Variants in CABLES1 observed in about 807,000 individuals in gnomAD.
The protein encoded by CABLES1 is Cdk5 and Abl enzyme substrate 1.
A neutral mutation model predicts 57.8 loss-of-function variants in CABLES1; 36 were observed. The ratio of observed to expected loss-of-function variants is 0.62; its 90% CI spans 0.48 to 0.82. The LOEUF (loss-of-function observed/expected upper bound fraction) is 0.82, where lower values mean the gene tolerates loss of function less well. Among genes scored for constraint, CABLES1 ranks in the 40% least tolerant of loss-of-function variants. CABLES1 has a pLI of 0.00. For missense variants in CABLES1, 767 were observed against 836.6 expected, an observed-to-expected ratio of 0.92 and a Z score of 1.03; for synonymous variants, 374 against 363.0, an observed-to-expected ratio of 1.03 and a Z score of -0.35.
At chr18:23,236,400 T>C (rs1043680105) in intron 6 of CABLES1, among the ~76,000 whole-genome samples, 1 of 148,020 alleles carries the variant, frequency 6.8e-6, no homozygotes, top group African/African-American at 2.5e-5. Flanking sequence ...ATTCGGACTT[T>C]AAAAAAAAAA....
At chr18:23,150,595 G>T (rs2046922398) in intron 1 of CABLES1, among the ~76,000 whole-genome samples, 1 of 152,172 alleles carries the variant, frequency 6.6e-6, no homozygotes, top group South Asian at 2.1e-4. Context: ...ATATGGGGGA[G>T]CCCCGGAGGG....
chr18:23,203,921 G>C (rs1227279378), intron 3 of CABLES1, among the ~76,000 whole-genome samples: 1 of 152,108 alleles, frequency 6.6e-6, no homozygotes, highest in African/African-American at 2.4e-5. Context: ...CCCCTCAGTG[G>C]CAGAAGGCGG....
At position 23,166,151 on chromosome 18, in the gene CABLES1, A is replaced by G. The variant is rs560644417; in HGVS notation, c.846-22687A>G. Reference sequence around the variant, plus strand: ...TTTCTTTAATACTAACCAGAATACCATAACAGTATACATATATATGTATTT... The same window carrying G: ...TTTCTTTAATACTAACCAGAATACCGTAACAGTATACATATATATGTATTT... On this transcript the variant is annotated intron_variant, in intron 1 of 9. Coordinates refer to ENST00000256925, the MANE Select transcript of CABLES1 (RefSeq NM_001100619.3). Among the ~76,000 whole-genome samples the G allele has an allele frequency of 3.7e-4, 56 of 152,194 alleles. No homozygotes were observed. In the South Asian group the frequency reaches 5.0e-3, roughly 14 times the overall value.
intron 7 of CABLES1, among the ~76,000 whole-genome samples, chr18:23,241,232 C>T (rs1228694862): frequency 1.3e-5 from 2 of 151,194 alleles, no homozygotes; most frequent in South Asian, 2.1e-4. Context: ...TTTTTAATTG[C>T]TGAGTGGGCC....
At chr18:23,234,414 T>G (rs933754259) in intron 4 of CABLES1, among the ~76,000 whole-genome samples, 194 bp from the exon 5 acceptor site, 22 of 152,176 alleles carry the variant, frequency 1.4e-4, no homozygotes, top group Admixed American at 1.2e-3. Flanking sequence ...TCAGTTGGAT[T>G]TCATTTATGT....
intron 1 of CABLES1, among the ~76,000 whole-genome samples, chr18:23,162,550 T>TA (rs748888271): frequency 2.6e-5 from 4 of 152,224 alleles, no homozygotes; most frequent in Non-Finnish European, 5.9e-5. Flanking sequence ...TAAGGGAACT[T>TA]ACAGTCCTTG....
In CABLES1 at chr18:23,226,325, C is replaced by T. The variant is rs1010181518; in HGVS notation, c.1089-8283C>T. Among the ~76,000 whole-genome samples, 3 of 151,740 alleles carry T rather than the reference C, an allele frequency of 2.0e-5. No individual in the cohort carries two copies. The East Asian group carries it at 5.8e-4, about 29-fold the overall frequency. On this transcript the variant is annotated intron_variant, in intron 4 of 9. Transcript: ENST00000256925. ...GCTGAGGCAGGAGAATTGCTTGAAC[C>T]TGAGAAGTGGAGGTTGCAGTGAGCC...
chr18:23,202,816 C>T (rs776298761), intron 3 of CABLES1, among the ~76,000 whole-genome samples: 4 of 152,066 alleles, frequency 2.6e-5, no homozygotes, highest in Non-Finnish European at 4.4e-5. Context: ...GAAACCCCAT[C>T]TCTACTAAAA....
intron 6 of CABLES1, 53 bp downstream of exon 6, chr18:23,236,104 CATT>C: frequency 6.3e-7 from 1 of 1,583,744 alleles, no homozygotes; most frequent in Non-Finnish European, 8.6e-7. Context: ...GAGGTGCCTC[CATT>C]TACATGGGGA....
In CABLES1 at chr18:23,135,732, C is replaced by T; in HGVS notation, c.-31C>T. ...CTCGGGCGCCGCTCGCTTCTCCGGG[C>T]ATCGCGGAAATCCCGCCGCAGACGG... On this transcript the variant is annotated 5_prime_UTR_variant, in exon 1 of 10. Transcript: ENST00000256925. 1.0e-6 allele frequency: 1 copy of T among 987,392 alleles called. No homozygotes were observed. Among genetic ancestry groups the T allele is most frequent in the Non-Finnish European group, 1.2e-6 (1 of 832,844 alleles). The allele number at this position is 987,392 out of a possible 1,614,324, so 61.2% of individuals were successfully genotyped here.
intron 3 of CABLES1, among the ~76,000 whole-genome samples, chr18:23,208,203 G>A (rs891899951): frequency 6.6e-6 from 1 of 152,208 alleles, no homozygotes; most frequent in Non-Finnish European, 1.5e-5. Flanking sequence ...CAGGCAGAAA[G>A]GAACAGATCG....
At position 23,253,730 on chromosome 18, in the gene CABLES1, C is replaced by G. The variant is rs200230358; in HGVS notation, c.1555C>G (p.Leu519Val). The G allele has an allele frequency of 4.3e-4, 699 of 1,613,682 alleles. No individual in the cohort carries two copies. Among genetic ancestry groups the G allele is most frequent in the Non-Finnish European group, 5.7e-4 (673 of 1,179,790 alleles). ...TCCCTCTTGCCTGTCTTTCTCCAGTCTGAAACGAGAGATGCGGAAGCTTGC... is the reference window on the plus strand; with the variant it reads ...TCCCTCTTGCCTGTCTTTCTCCAGTGTGAAACGAGAGATGCGGAAGCTTGC... The part of the protein sequence containing the change: ...IKLTLSKIRS[L>V]KREMRKLAQE... Residue 519 changes from leucine to valine, a missense_variant and splice_region_variant, in exon 9 of 10, where the codon CTG (leucine) becomes GTG (valine). By Grantham distance (32) the Leu-to-Val change is conservative (BLOSUM62 1). This residue lies in a region of CABLES1 where 529 missense variants were observed against 622.8 expected (regional missense o/e 0.85). Coordinates refer to ENST00000256925, the MANE Select transcript of CABLES1 (RefSeq NM_001100619.3).
intron 9 of CABLES1, among the ~76,000 whole-genome samples, chr18:23,256,512 G>C (rs190291994): frequency 3.2e-3 from 491 of 152,248 alleles, no homozygotes; most frequent in African/African-American, 0.011. Flanking sequence ...ACAGCATCTT[G>C]CTTTGTTGCC....
chr18:23,223,667 A>T (rs2047506580), intron 4 of CABLES1, among the ~76,000 whole-genome samples: 1 of 150,520 alleles, frequency 6.6e-6, no homozygotes, highest in Non-Finnish European at 1.5e-5. Context: ...CTGTCCCTGG[A>T]GCCCCTCTCT....
chr18:23,213,919 T>G (rs2047422572), intron 3 of CABLES1, 58 bp from the exon 4 acceptor site: 1 of 1,236,994 alleles, frequency 8.1e-7, no homozygotes, highest in Non-Finnish European at 1.2e-6. Flanking sequence ...ATTTTGTTTT[T>G]TAGTTTGATT....
chr18:23,191,013 G>A (rs372676802), intron 2 of CABLES1, among the ~76,000 whole-genome samples: 2 of 150,280 alleles, frequency 1.3e-5, no homozygotes, highest in African/African-American at 4.9e-5. Flanking sequence ...AGAGGTTGAG[G>A]CAGAGGGGTT....
At chr18:23,197,979 C>A (rs1356061114) in intron 3 of CABLES1, 1 of 152,088 alleles carries the variant, frequency 6.6e-6, no homozygotes, top group Non-Finnish European at 1.5e-5. Context: ...TGTTTTGGAC[C>A]AGGCATGGTG....
chr18:23,176,089 G>A (rs142163400), intron 1 of CABLES1, among the ~76,000 whole-genome samples: 1 of 152,320 alleles, frequency 6.6e-6, no homozygotes, highest in East Asian at 1.9e-4. Flanking sequence ...TTGGGTGGAT[G>A]ACGAGAGGGT....
chr18:23,221,601 C>T (rs1449173864), intron 4 of CABLES1, among the ~76,000 whole-genome samples: 1 of 152,132 alleles, frequency 6.6e-6, no homozygotes, highest in Non-Finnish European at 1.5e-5. Flanking sequence ...ACAGCCATAC[C>T]CTGGGGCTCT....
Sources: gnomAD v4.1 joint callset for allele counts (sites outside exome capture counted in the v4.1 genomes callset) on GRCh38, gnomAD v4.1.1 for gene constraint, gnomAD v4.1.1 regional missense constraint, MANE v1.5 for transcripts, NCBI Gene and HGNC (gene_info 2026-07-23, HGNC 2026-07-21) for gene names.